ZC3H8: variants seen among roughly 807,000 people sequenced by gnomAD.
The protein encoded by ZC3H8 is zinc finger CCCH domain-containing protein 8.
A neutral mutation model predicts 42.5 loss-of-function variants in ZC3H8; 27 were observed. The observed-to-expected ratio is 0.64, with a 90% CI of 0.47 to 0.88. The LOEUF (loss-of-function observed/expected upper bound fraction) is 0.88, where lower values mean the gene tolerates loss of function less well. ZC3H8 is among the 40% of genes least tolerant of loss of function. ZC3H8 has a pLI of 0.00. For synonymous variants in ZC3H8, 101 were observed against 110.1 expected, an observed-to-expected ratio of 0.92 and a Z score of 0.52; for missense variants, 277 against 336.1, an observed-to-expected ratio of 0.82 and a Z score of 1.37.
chr2:112,213,854 A>AAG lies in ZC3H8; in HGVS notation c.*2628_*2629dup, dbSNP rs1224077666. On this transcript the variant is annotated 3_prime_UTR_variant, in exon 9 of 9. Coordinates refer to ENST00000409573, the MANE Select transcript of ZC3H8 (RefSeq NM_032494.3). ...GTGGCTTTTAGTAACTGACCATAAA[A>AAG]AGACCCATATGAAACCTGTCACACA... 4.0e-5 allele frequency: 6 copies of AAG among 151,596 alleles called. No individual in the cohort carries two copies. The highest frequency in any genetic ancestry group is 8.8e-5 in the Non-Finnish European group (6 of 67,930). The allele number at this position is 151,596 out of a possible 1,614,324, so 9.4% of individuals were successfully genotyped here. A position where few individuals can be genotyped will look rare whatever the true frequency, so the allele number is the denominator to read the frequency against.
At chr2:112,232,996 T>C (rs950827821) in intron 6 of ZC3H8, among the ~76,000 whole-genome samples, 2 of 152,218 alleles carry the variant, frequency 1.3e-5, no homozygotes, top group Non-Finnish European at 1.5e-5. Flanking sequence ...GTGATAAGTC[T>C]TTCTGGGATT....
chr2:112,249,369 C>G (rs1011769128), intron 2 of ZC3H8, among the ~76,000 whole-genome samples: 2 of 152,302 alleles, frequency 1.3e-5, no homozygotes, highest in South Asian at 2.1e-4. Context: ...TCAGAAGGAA[C>G]CAACCCTGCC....
intron 4 of ZC3H8, among the ~76,000 whole-genome samples, chr2:112,235,510 A>C (rs1685280539): frequency 1.3e-5 from 2 of 152,160 alleles, no homozygotes; most frequent in Admixed American, 1.3e-4. Flanking sequence ...CATTCATAAA[A>C]TATGGAGGCA....
chr2:112,228,759 A>T (rs1385236788), intron 8 of ZC3H8, among the ~76,000 whole-genome samples: 1 of 151,808 alleles, frequency 6.6e-6, no homozygotes, highest in East Asian at 1.9e-4. Flanking sequence ...TCAAAATGAA[A>T]ACTTTGATGC....
intron 4 of ZC3H8, among the ~76,000 whole-genome samples, chr2:112,235,986 G>T (rs1383414824): frequency 6.7e-6 from 1 of 150,140 alleles, no homozygotes; most frequent in East Asian, 2.0e-4. Flanking sequence ...AGTGGCTCAT[G>T]CCTGTAATCC....
In ZC3H8 at chr2:112,227,299, C is replaced by T. The variant is rs973326571; in HGVS notation, c.*15+3604G>A. 8.5e-5 allele frequency among the ~76,000 whole-genome samples: 13 copies of T among 152,222 alleles called. No homozygotes were observed. The East Asian group carries it at 2.1e-3, about 25-fold the overall frequency. ...CAGCACTTTGGGAGGCCGAGGCAGGCGGATCGCCTGAGGTCAGGAGTTTGA... is the reference window on the plus strand; with the variant it reads ...CAGCACTTTGGGAGGCCGAGGCAGGTGGATCGCCTGAGGTCAGGAGTTTGA... On this transcript the variant is annotated intron_variant, in intron 8 of 8. Transcript: ENST00000409573.
intron 2 of ZC3H8, 166 bp downstream of exon 2, chr2:112,250,025 G>A: frequency 2.2e-6 from 1 of 447,320 alleles, no homozygotes; most frequent in Non-Finnish European, 3.9e-6. Flanking sequence ...AGTTTTCTTT[G>A]ATATAAGTAA....
At chr2:112,242,493 T>C (rs1351678079) in intron 2 of ZC3H8, among the ~76,000 whole-genome samples, 1 of 152,216 alleles carries the variant, frequency 6.6e-6, no homozygotes, top group East Asian at 1.9e-4. Context: ...TGACAACATT[T>C]TGAGTGCTTC....
chr2:112,215,095 T>C lies in ZC3H8; in HGVS notation c.*1389A>G, dbSNP rs1039838902. 5.9e-5 allele frequency: 9 copies of C among 152,230 alleles called. No individual in the cohort carries two copies. The East Asian group carries it at 1.7e-3, about 29-fold the overall frequency. The allele number at this position is 152,230 out of a possible 1,614,324, so 9.4% of individuals were successfully genotyped here. On this transcript the variant is annotated 3_prime_UTR_variant, in exon 9 of 9. Transcript: ENST00000409573. ...CTATACTTTATAAGTATCAAACTAT[T>C]ATACATGAGGTAATATTAGGAAGTA...
intron 2 of ZC3H8, among the ~76,000 whole-genome samples, chr2:112,244,419 C>T (rs1439214994): frequency 6.6e-6 from 1 of 151,950 alleles, no homozygotes; most frequent in African/African-American, 2.4e-5. Context: ...GAAAATGATA[C>T]TTAAAAAAAA....
chr2:112,236,679 AT>A lies in ZC3H8; in HGVS notation c.386del (p.Asn129IlefsTer16). 6.2e-7 allele frequency: 1 copy of A among 1,610,740 alleles called. No homozygotes were observed. The highest frequency in any genetic ancestry group is 8.5e-7 in the Non-Finnish European group (1 of 1,178,720). ...TCTTGTGACCAGCTTTAAGATTTTT[AT>A]TTTTTTGTTTAGCAGCTAAAAACAA... is the stretch of plus-strand genomic sequence containing the variant. ...KDTPQAAKQK[N>X]KNLKAGHKNG... On this transcript the variant is annotated frameshift_variant, in exon 4 of 9. Coordinates refer to ENST00000409573, the MANE Select transcript of ZC3H8 (RefSeq NM_032494.3). LOFTEE classifies it high-confidence loss of function.
intron 8 of ZC3H8, among the ~76,000 whole-genome samples, chr2:112,217,464 G>GAAC (rs894700926): frequency 4.6e-5 from 7 of 152,200 alleles, no homozygotes; most frequent in African/African-American, 1.4e-4. Flanking sequence ...CCACATCAAT[G>GAAC]AACTTTTTAT....
Position 112,233,240 on chromosome 2 carries a change from T to A in ZC3H8, c.733+20A>T. 7.4e-7 allele frequency: 1 copy of A among 1,345,646 alleles called. No individual in the cohort carries two copies. Among genetic ancestry groups the A allele is most frequent in the Non-Finnish European group, 1.0e-6 (1 of 972,262 alleles). The allele number at this position is 1,345,646 out of a possible 1,614,324, so 83.4% of individuals were successfully genotyped here. A position where few individuals can be genotyped will look rare whatever the true frequency, so the allele number is the denominator to read the frequency against. On this transcript the variant is annotated intron_variant, in intron 6 of 8. Coordinates refer to ENST00000409573, the MANE Select transcript of ZC3H8 (RefSeq NM_032494.3). ...CATGTAAATATTTATAAAGTCACCATATCTTGTGATAAAGGATATTATGCA... is the reference window on the plus strand; with the variant it reads ...CATGTAAATATTTATAAAGTCACCAAATCTTGTGATAAAGGATATTATGCA...
At chr2:112,239,540 T>C (rs932599979) in intron 2 of ZC3H8, among the ~76,000 whole-genome samples, 3 of 151,016 alleles carry the variant, frequency 2.0e-5, no homozygotes, top group African/African-American at 4.9e-5. Flanking sequence ...GAAGAATCGC[T>C]ATTATAAAAT....
At chr2:112,253,511 G>A (rs1320299935) in intron 1 of ZC3H8, among the ~76,000 whole-genome samples, 1 of 152,142 alleles carries the variant, frequency 6.6e-6, no homozygotes, top group African/African-American at 2.4e-5. Flanking sequence ...AATGCCATAG[G>A]CAAAGACAAA....
At chr2:112,223,999 C>T (rs1684705457) in intron 8 of ZC3H8, among the ~76,000 whole-genome samples, 3 of 151,954 alleles carry the variant, frequency 2.0e-5, no homozygotes, top group Admixed American at 2.0e-4. Context: ...AAAAATTAGC[C>T]AGGGTGGTAG....
chr2:112,218,703 GTGTTAATCGAC>G (rs1684442409), intron 8 of ZC3H8, among the ~76,000 whole-genome samples: 2 of 152,154 alleles, frequency 1.3e-5, no homozygotes. Context: ...GTCTACTTAT[GTGTTAATCGAC>G]TGTTTATGTT....
chr2:112,252,214 T>C (rs1484182936), intron 1 of ZC3H8, among the ~76,000 whole-genome samples: 1 of 152,176 alleles, frequency 6.6e-6, no homozygotes, highest in African/African-American at 2.4e-5. Flanking sequence ...ACTAGACATA[T>C]GTAATCTTAA....
intron 8 of ZC3H8, among the ~76,000 whole-genome samples, chr2:112,229,598 A>G (rs1393787008): frequency 6.6e-6 from 1 of 152,230 alleles, no homozygotes; most frequent in East Asian, 1.9e-4. Flanking sequence ...GAACTGACCC[A>G]GCAGATCTGC....
Sources: gnomAD v4.1 joint callset for allele counts (sites outside exome capture counted in the v4.1 genomes callset) on GRCh38, gnomAD v4.1.1 for gene constraint, MANE v1.5 for transcripts, NCBI Gene and HGNC (gene_info 2026-07-23, HGNC 2026-07-21) for gene names.